ACOT7: variants seen among roughly 807,000 people sequenced by gnomAD.
ACOT7 encodes acyl-CoA thioesterase 7, also known as cytosolic acyl coenzyme A thioester hydrolase.
In ACOT7, 12 loss-of-function variants were observed where a neutral mutation model predicts 40.2. The observed-to-expected ratio is 0.30, with a 90% CI of 0.19 to 0.48. The LOEUF (loss-of-function observed/expected upper bound fraction) is 0.48, where lower values mean the gene tolerates loss of function less well. ACOT7 is among the 20% of genes least tolerant of loss of function. The pLI is 0.99. For missense variants in ACOT7, 395 were observed against 530.8 expected (o/e 0.74, Z 2.51); for synonymous variants, 228 against 219.5 (o/e 1.04, Z -0.34).
intron 1 of ACOT7, among the ~76,000 whole-genome samples, chr1:6,378,309 G>T (rs558538787): frequency 3.3e-5 from 5 of 151,798 alleles, no homozygotes; most frequent in South Asian, 2.1e-4. Flanking sequence ...CCTCGATAGC[G>T]CCAGACTGCG....
intron 8 of ACOT7, among the ~76,000 whole-genome samples, chr1:6,269,426 CA>C (rs1276564605): frequency 1.3e-5 from 2 of 152,222 alleles, no homozygotes; most frequent in Non-Finnish European, 2.9e-5. Context: ...TGCCCTCAGC[CA>C]TATTATCCCA....
At chr1:6,326,931 C>CAA (rs1163224507) in intron 5 of ACOT7, among the ~76,000 whole-genome samples, 29 of 61,180 alleles carry the variant, frequency 4.7e-4, no homozygotes, top group African/African-American at 1.2e-3. Flanking sequence ...GACTCCAACT[C>CAA]AAAAAAAAAA....
chr1:6,319,925 A>C (rs1395251449), intron 5 of ACOT7, among the ~76,000 whole-genome samples: 1 of 152,190 alleles, frequency 6.6e-6, no homozygotes, highest in African/African-American at 2.4e-5. Context: ...CCTGGGTCTG[A>C]AACGCCTCCC....
intron 7 of ACOT7, among the ~76,000 whole-genome samples, chr1:6,293,629 A>C (rs1336673638): frequency 1.3e-5 from 2 of 152,246 alleles, no homozygotes; most frequent in African/African-American, 4.8e-5. Context: ...TGAGCACGGA[A>C]GTGCAAGGCT....
chr1:6,354,271 C>A (rs1305811525), intron 1 of ACOT7, among the ~76,000 whole-genome samples: 1 of 152,202 alleles, frequency 6.6e-6, no homozygotes, highest in Non-Finnish European at 1.5e-5. Context: ...CCCACCTAAT[C>A]TCTGGGAAAG....
At position 6,327,417 on chromosome 1, in the gene ACOT7, C is replaced by A. The variant is rs1422218805; in HGVS notation, c.511-4G>T. ...CCTCCTGCTCCTGCCGGGAATACTG[C>A]GAGAAACCAAAGACAGGTCAGGCCC... On this transcript the variant is annotated splice_polypyrimidine_tract_variant and splice_region_variant and intron_variant, in intron 4 of 8. Transcript: ENST00000361521. 2 of 1,613,980 alleles carry A rather than the reference C, an allele frequency of 1.2e-6. No homozygotes were observed. The highest frequency in any genetic ancestry group is 1.7e-6 in the Non-Finnish European group (2 of 1,179,942).
intron 1 of ACOT7, among the ~76,000 whole-genome samples, chr1:6,391,700 T>A (rs1642536373): frequency 6.6e-6 from 1 of 152,124 alleles, no homozygotes. Context: ...GCAGGGGCTG[T>A]CCCTGGATCT....
Position 6,282,593 on chromosome 1 carries a change from T to G in ACOT7, c.830-1307A>C. On this transcript the variant is annotated intron_variant, in intron 7 of 8. Transcript: ENST00000361521. This position sits in a 1 kb window ranked among gnomAD's most constrained non-coding sequence, Gnocchi z 4.5. ...CCGAGACCAGCCTCACAAGGCAGGT[T>G]TAGAGACCCAGAGTGAGAAAGCGGC... is the stretch of plus-strand genomic sequence containing the variant. 3.2e-6 allele frequency: 2 copies of G among 622,040 alleles called. No individual in the cohort carries two copies. Among genetic ancestry groups the G allele is most frequent in the Non-Finnish European group, 5.2e-6 (2 of 387,736 alleles). 38.5% of individuals were successfully genotyped at this position (622,040 alleles called of 1,614,324 possible). A position where few individuals can be genotyped will look rare whatever the true frequency, so the allele number is the denominator to read the frequency against.
intron 4 of ACOT7, among the ~76,000 whole-genome samples, chr1:6,331,326 C>A (rs1258626305): frequency 6.6e-6 from 1 of 152,210 alleles, no homozygotes; most frequent in East Asian, 1.9e-4. Context: ...GGGCCCTGAG[C>A]CCAGTGACCC....
intron 7 of ACOT7, among the ~76,000 whole-genome samples, chr1:6,293,408 G>A (rs1243396611): frequency 6.6e-6 from 1 of 152,236 alleles, no homozygotes; most frequent in Non-Finnish European, 1.5e-5. Context: ...AGGCCTGTGG[G>A]GGACGAGCTA....
In ACOT7 at chr1:6,358,363, A is replaced by C. The variant is rs1248122673; in HGVS notation, c.144-8497T>G. On this transcript the variant is annotated intron_variant, in intron 1 of 8. Coordinates refer to ENST00000361521, the MANE Select transcript of ACOT7 (RefSeq NM_007274.4). This position sits in a 1 kb window ranked among gnomAD's most constrained non-coding sequence, Gnocchi z 4.1. Reference sequence around the variant, plus strand: ...CAATGGCCCTGAGCTCCCAGCCTCCATTTTGGCCAGGGGCAGGGGACTGAC... The same window carrying C: ...CAATGGCCCTGAGCTCCCAGCCTCCCTTTTGGCCAGGGGCAGGGGACTGAC... Among the ~76,000 whole-genome samples, 1 of 152,066 alleles carries C rather than the reference A, an allele frequency of 6.6e-6. No individual in the cohort carries two copies. The highest frequency in any genetic ancestry group is 1.5e-5 in the Non-Finnish European group (1 of 67,992).
chr1:6,282,686 A>G lies in ACOT7; in HGVS notation c.830-1400T>C. ...GAGCGGTTATTCCATGTTAAAAAGTATCAGAACGATCCATGCTACATTCAA... is the reference window on the plus strand; with the variant it reads ...GAGCGGTTATTCCATGTTAAAAAGTGTCAGAACGATCCATGCTACATTCAA... On this transcript the variant is annotated intron_variant, in intron 7 of 8. Coordinates refer to ENST00000361521, the MANE Select transcript of ACOT7 (RefSeq NM_007274.4). The surrounding 1 kb of genome is among the most constrained non-coding windows in gnomAD (Gnocchi z 4.5). 7.7e-7 allele frequency: 1 copy of G among 1,294,110 alleles called. No homozygotes were observed. The highest frequency in any genetic ancestry group is 1.0e-6 in the Non-Finnish European group (1 of 979,964). 80.2% of individuals were successfully genotyped at this position (1,294,110 alleles called of 1,614,324 possible).
At chr1:6,386,500 G>T (rs1473758414) in intron 1 of ACOT7, among the ~76,000 whole-genome samples, 1 of 152,106 alleles carries the variant, frequency 6.6e-6, no homozygotes, top group Non-Finnish European at 1.5e-5. Context: ...GCAAATCCCG[G>T]ATTTCCCAGT....
intron 1 of ACOT7, among the ~76,000 whole-genome samples, chr1:6,383,571 T>C (rs1642388250): frequency 6.6e-6 from 1 of 150,968 alleles, no homozygotes; most frequent in Admixed American, 6.6e-5. Context: ...AGAGTCTTGA[T>C]CTGTTGTCCA....
intron 1 of ACOT7, among the ~76,000 whole-genome samples, chr1:6,360,882 C>T (rs1017743702): frequency 6.6e-6 from 1 of 152,172 alleles, no homozygotes; most frequent in African/African-American, 2.4e-5. Flanking sequence ...AACACAGATT[C>T]AAGCCACAAC....
At chr1:6,305,731 C>G (rs1194136621) in intron 6 of ACOT7, among the ~76,000 whole-genome samples, 6 of 150,292 alleles carry the variant, frequency 4.0e-5, no homozygotes, top group Non-Finnish European at 7.5e-5. Context: ...AGAGGCTCCT[C>G]ACATCCCAGA....
At position 6,264,699 on chromosome 1, in the gene ACOT7, T is replaced by C; in HGVS notation, c.1015-4A>G. ...TCTTCTCGTCCTCGGTCTCGGGCTG[T>C]GGACCACACACAGAGACAGGCAGGT... On this transcript the variant is annotated splice_polypyrimidine_tract_variant and splice_region_variant and intron_variant, in intron 8 of 8. Transcript: ENST00000361521. The C allele has an allele frequency of 6.2e-7, 1 of 1,612,956 alleles. No homozygotes were observed. Among genetic ancestry groups the C allele is most frequent in the Non-Finnish European group, 8.5e-7 (1 of 1,179,862 alleles).
At chr1:6,318,671 C>G (rs1640561441) in intron 5 of ACOT7, 93 bp from the exon 6 acceptor site, 3 of 1,316,398 alleles carry the variant, frequency 2.3e-6, no homozygotes, top group South Asian at 2.5e-5. Flanking sequence ...CAGGTCTACA[C>G]AGTCAACGAA....
intron 8 of ACOT7, among the ~76,000 whole-genome samples, chr1:6,272,162 C>T (rs1351169081): frequency 6.6e-6 from 1 of 152,266 alleles, no homozygotes; most frequent in Non-Finnish European, 1.5e-5. Context: ...TGTGCTATGC[C>T]CTGTGGAGCC....
Sources: gnomAD v4.1 joint callset for allele counts (sites outside exome capture counted in the v4.1 genomes callset) on GRCh38, gnomAD v4.1.1 for gene constraint, Gnocchi (gnomAD v3.1) non-coding constraint, MANE v1.5 for transcripts, NCBI Gene and HGNC (gene_info 2026-07-23, HGNC 2026-07-21) for gene names.